ARIH1: variants seen among roughly 807,000 people sequenced by gnomAD.
ARIH1 encodes the protein E3 ubiquitin-protein ligase ARIH1.
Under a neutral mutation model 85.0 loss-of-function variants are expected in ARIH1, and 8 were observed. That is an observed-to-expected ratio of 0.09 (90% CI 0.06 to 0.17). ARIH1 has a LOEUF of 0.17. Among genes scored for constraint, ARIH1 ranks in the 10% least tolerant of loss-of-function variants. The pLI, the probability that ARIH1 is intolerant of heterozygous loss-of-function variation, is 1.00. For synonymous variants in ARIH1, 238 were observed against 253.6 expected (o/e 0.94, Z 0.59); for missense variants, 311 against 718.1 (o/e 0.43, Z 6.48).
At chr15:72,518,376 C>G (rs1173487280) in intron 2 of ARIH1, among the ~76,000 whole-genome samples, 1 of 150,346 alleles carries the variant, frequency 6.7e-6, no homozygotes, top group Non-Finnish European at 1.5e-5. Context: ...TGGGGGTGTG[C>G]TTCAGTATCT....
chr15:72,542,171 A>G (rs183092083), intron 2 of ARIH1, among the ~76,000 whole-genome samples: 3 of 152,380 alleles, frequency 2.0e-5, no homozygotes, highest in East Asian at 1.9e-4. Context: ...GATCTAAATC[A>G]TTAATGAATT....
At chr15:72,506,697 G>C (rs2063927176) in intron 1 of ARIH1, among the ~76,000 whole-genome samples, 1 of 152,134 alleles carries the variant, frequency 6.6e-6, no homozygotes, top group South Asian at 2.1e-4. Context: ...ATGAGCCCAT[G>C]CTTCTGTAGG....
intron 2 of ARIH1, among the ~76,000 whole-genome samples, chr15:72,543,617 C>G (rs2064117206): frequency 6.6e-6 from 1 of 152,026 alleles, no homozygotes; most frequent in South Asian, 2.1e-4. Context: ...AATGATTTTT[C>G]TGGAGGTACA....
intron 8 of ARIH1, 71 bp downstream of exon 8, chr15:72,566,676 C>A: frequency 2.3e-6 from 3 of 1,326,698 alleles, no homozygotes; most frequent in Non-Finnish European, 3.2e-6. Context: ...AAAATCATAG[C>A]TGATGATTTT....
At chr15:72,524,311 A>G (rs953643928) in intron 2 of ARIH1, among the ~76,000 whole-genome samples, 2 of 149,456 alleles carry the variant, frequency 1.3e-5, no homozygotes, top group South Asian at 2.1e-4. Context: ...CAATGGTGCA[A>G]TGTCCACTCA....
At chr15:72,568,363 T>C (rs546334927) in intron 9 of ARIH1, among the ~76,000 whole-genome samples, 34 of 152,292 alleles carry the variant, frequency 2.2e-4, no homozygotes, top group Middle Eastern at 3.4e-3. Flanking sequence ...AAAACTAATA[T>C]TTAGAATAAG....
At chr15:72,581,135 A>C in intron 12 of ARIH1, 144 bp downstream of exon 12, 1 of 913,834 alleles carries the variant, frequency 1.1e-6, no homozygotes, top group Non-Finnish European at 1.6e-6. Flanking sequence ...AAGATACAAG[A>C]AATTTCTATT....
chr15:72,556,828 C>T lies in ARIH1; in HGVS notation c.737+921C>T, dbSNP rs140072334. Among the ~76,000 whole-genome samples the T allele has an allele frequency of 2.6e-5, 4 of 152,294 alleles. No homozygotes were observed. In the East Asian group the frequency reaches 7.7e-4, roughly 29 times the overall value. ...TGAGAACATGTGGTATTGAGTATTT[C>T]TGTGTTAATTCATTTAGGATGATGA... On this transcript the variant is annotated intron_variant, in intron 5 of 13. Coordinates refer to ENST00000379887, the MANE Select transcript of ARIH1 (RefSeq NM_005744.5).
At chr15:72,524,246 CTTT>C (rs1004313275) in intron 2 of ARIH1, among the ~76,000 whole-genome samples, 9 of 123,910 alleles carry the variant, frequency 7.3e-5, no homozygotes, top group Non-Finnish European at 1.6e-4. Flanking sequence ...TGTGCCCGGC[CTTT>C]TTTTTTTTTT....
At chr15:72,484,804 C>T (rs1390224899) in intron 1 of ARIH1, among the ~76,000 whole-genome samples, 4 of 151,516 alleles carry the variant, frequency 2.6e-5, no homozygotes, top group African/African-American at 9.7e-5. Context: ...CACACACACA[C>T]ACCACAGTTT....
At chr15:72,489,761 A>G (rs905178047) in intron 1 of ARIH1, among the ~76,000 whole-genome samples, 4 of 152,184 alleles carry the variant, frequency 2.6e-5, no homozygotes, top group Admixed American at 6.5e-5. Flanking sequence ...TGTTACCTCA[A>G]ATTTCCACAC....
intron 1 of ARIH1, among the ~76,000 whole-genome samples, chr15:72,491,941 A>T (rs1041394831): frequency 6.6e-6 from 1 of 152,114 alleles, no homozygotes; most frequent in African/African-American, 2.4e-5. Context: ...ACCTTTTTCC[A>T]TCCTGCTGTG....
chr15:72,475,295 C>A, intron 1 of ARIH1: 1 of 501,994 alleles, frequency 2.0e-6, no homozygotes, highest in Non-Finnish European at 3.1e-6. Context: ...CAATTTCTGC[C>A]AGTCCCTGGG....
At chr15:72,508,227 A>T (rs796433858) in intron 1 of ARIH1, among the ~76,000 whole-genome samples, 19 of 152,366 alleles carry the variant, frequency 1.2e-4, no homozygotes, top group African/African-American at 4.6e-4. Flanking sequence ...TTGTCCTAAA[A>T]GTTAAATGTA....
intron 1 of ARIH1, among the ~76,000 whole-genome samples, chr15:72,477,475 G>T (rs1034849956): frequency 6.6e-6 from 1 of 152,146 alleles, no homozygotes; most frequent in Non-Finnish European, 1.5e-5. Flanking sequence ...AGATACATTT[G>T]CAGGTGAAAA....
intron 2 of ARIH1, among the ~76,000 whole-genome samples, chr15:72,527,756 C>G (rs937834760): frequency 1.3e-5 from 2 of 152,182 alleles, no homozygotes; most frequent in Non-Finnish European, 2.9e-5. Context: ...TTAACCTTTT[C>G]TTCTGAGACA....
At chr15:72,551,098 T>G (rs778326225) in intron 3 of ARIH1, among the ~76,000 whole-genome samples, 45 of 152,210 alleles carry the variant, frequency 3.0e-4, no homozygotes, top group Admixed American at 1.8e-3. Context: ...AGAAATTTTA[T>G]AAGTACATGT....
chr15:72,516,641 T>C (rs1437787435), intron 1 of ARIH1, among the ~76,000 whole-genome samples: 1 of 152,212 alleles, frequency 6.6e-6, no homozygotes, highest in Admixed American at 6.5e-5. Context: ...GTACCTAGAT[T>C]AGCAAAATGT....
intron 2 of ARIH1, among the ~76,000 whole-genome samples, chr15:72,541,782 G>T (rs1343145860): frequency 2.0e-5 from 3 of 152,216 alleles, no homozygotes; most frequent in Admixed American, 2.0e-4. Context: ...CTAAGTGCTT[G>T]TAACATGCCT....
Sources: gnomAD v4.1 joint callset for allele counts (sites outside exome capture counted in the v4.1 genomes callset) on GRCh38, gnomAD v4.1.1 for gene constraint, MANE v1.5 for transcripts, NCBI Gene and HGNC (gene_info 2026-07-23, HGNC 2026-07-21) for gene names.